Variants in ATP13A5 observed in about 807,000 individuals in gnomAD.
ATP13A5 encodes ATPase 13A5.
Under a neutral mutation model 150.2 loss-of-function variants are expected in ATP13A5, and 149 were observed. That is an observed-to-expected ratio of 0.99 (90% CI 0.87 to 1.14). The LOEUF (loss-of-function observed/expected upper bound fraction) is 1.14, where lower values mean the gene tolerates loss of function less well. Among genes scored for constraint, ATP13A5 ranks in the 50% most tolerant of loss-of-function variants. ATP13A5 has a pLI of 0.00. For synonymous variants in ATP13A5, 497 were observed against 522.2 expected (o/e 0.95, Z 0.66); for missense variants, 1,383 against 1,449.3 (o/e 0.95, Z 0.74).
At position 193,319,063 on chromosome 3, in the gene ATP13A5, C is replaced by G; in HGVS notation, c.1961G>C (p.Gly654Ala). 6.2e-7 allele frequency: 1 copy of G among 1,613,946 alleles called. No individual in the cohort carries two copies. Among genetic ancestry groups the G allele is most frequent in the Admixed American group, 1.7e-5 (1 of 60,018 alleles). ...GTGGGCAAGAGCAATGACACGGAAG[C>G]CTTGCACCGTGTAACTCCTCAGTTC... is the stretch of plus-strand genomic sequence containing the variant. ...PQELRSYTVQ[G>A]FRVIALAHKT... The change falls in exon 17 of 30, where the codon GGC (glycine) becomes GCC (alanine). Residue 654 changes from glycine to alanine, a missense_variant. Gly to Ala is a moderately conservative substitution (Grantham distance 60, BLOSUM62 0). This residue lies in a region of ATP13A5 where 28 missense variants were observed against 55.9 expected (regional missense o/e 0.50). Transcript: ENST00000342358.
chr3:193,304,249 C>G (rs116336350), intron 23 of ATP13A5, among the ~76,000 whole-genome samples: 2 of 152,144 alleles, frequency 1.3e-5, no homozygotes, highest in African/African-American at 4.8e-5. Flanking sequence ...GTAGACTGTT[C>G]TTAGAAGCAA....
chr3:193,363,010 C>T (rs758404560), intron 3 of ATP13A5, among the ~76,000 whole-genome samples: 1 of 152,038 alleles, frequency 6.6e-6, no homozygotes, highest in Non-Finnish European at 1.5e-5. Flanking sequence ...CCATGTTTCC[C>T]AGGCTGGTCT....
intron 27 of ATP13A5, among the ~76,000 whole-genome samples, chr3:193,279,958 T>C (rs9291051): frequency 0.89 from 118,921 of 133,336 alleles, 53,184 homozygotes; most frequent in East Asian, 0.98. Context: ...CAACACTCTC[T>C]AGCTTCTGTG....
In ATP13A5 at chr3:193,362,387, T is replaced by A; in HGVS notation, c.530A>T (p.Glu177Val). The change falls in exon 5 of 30, where the codon GAG becomes GTG. Residue 177 changes from glutamate (E) to valine (V), a missense_variant. Glu to Val is a moderately radical substitution (Grantham distance 121). Coordinates refer to ENST00000342358, the MANE Select transcript of ATP13A5 (RefSeq NM_198505.4). The part of the protein sequence containing the change: ...FGLGLTSEEQ[E>V]VRRLVCGPNA... The stretch of plus-strand genomic sequence containing the variant: ...GGCATATAATAAGTCCTACCTGACC[T>A]CTTGCTCTTCACTGGTCAGACCCAA... 2.5e-6 allele frequency: 4 copies of A among 1,614,000 alleles called. No homozygotes were observed. In the South Asian group the frequency reaches 4.4e-5, roughly 18 times the overall value.
At chr3:193,275,361 C>T (rs775769614) in intron 29 of ATP13A5, 59 bp from the exon 30 acceptor site, 31 of 1,577,190 alleles carry the variant, frequency 2.0e-5, no homozygotes, top group Middle Eastern at 1.7e-4. Flanking sequence ...GCAGCCAGGC[C>T]GCTGGCCACC....
chr3:193,307,113 T>C (rs1198158917), intron 22 of ATP13A5: 4 of 1,367,968 alleles, frequency 2.9e-6, no homozygotes, highest in Non-Finnish European at 3.8e-6. Flanking sequence ...TTTGTGTTTA[T>C]TATTCTAGGA....
At chr3:193,316,590 T>C (rs1220051132) in intron 17 of ATP13A5, among the ~76,000 whole-genome samples, 2 of 152,202 alleles carry the variant, frequency 1.3e-5, no homozygotes, top group Non-Finnish European at 2.9e-5. Context: ...TGAGCACTTT[T>C]TCATATATCT....
At chr3:193,285,384 T>A (rs1717678710) in intron 26 of ATP13A5, among the ~76,000 whole-genome samples, 1 of 152,118 alleles carries the variant, frequency 6.6e-6, no homozygotes, top group African/African-American at 2.4e-5. Context: ...TCCTATCAAT[T>A]CAAAGAGTAA....
rs762577082 is a variant in ATP13A5 at position 193,354,126 on chromosome 3, C to T, written c.606+1G>A. 1.8e-5 allele frequency: 29 copies of T among 1,603,274 alleles called. No homozygotes were observed. Among genetic ancestry groups the T allele is most frequent in the Non-Finnish European group, 2.4e-5 (28 of 1,176,822 alleles). ...AAAAAAAAAGAAAAGAAAACAGTTACCTGTTTAACAAGCAGCTTCCATATG... is the reference window on the plus strand; with the variant it reads ...AAAAAAAAAGAAAAGAAAACAGTTATCTGTTTAACAAGCAGCTTCCATATG... On this transcript the variant is annotated splice_donor_variant, in intron 6 of 29. Coordinates refer to ENST00000342358, the MANE Select transcript of ATP13A5 (RefSeq NM_198505.4). LOFTEE classifies it high-confidence loss of function.
rs553777354 is a variant in ATP13A5, at chr3:193,362,465, G to A, written c.456-4C>T. 123 of 1,614,012 alleles carry A rather than the reference G, an allele frequency of 7.6e-5. No individual in the cohort carries two copies. The South Asian group carries it at 1.2e-3, about 16-fold the overall frequency. ...GGAATTGCTGTCTTCTAGCAACCTA[G>A]GATGTATTCAGGATAGGAACCACAC... On this transcript the variant is annotated splice_polypyrimidine_tract_variant and splice_region_variant and intron_variant, in intron 4 of 29. Coordinates refer to ENST00000342358, the MANE Select transcript of ATP13A5 (RefSeq NM_198505.4).
chr3:193,353,111 G>A (rs377210371), intron 6 of ATP13A5, among the ~76,000 whole-genome samples: 4 of 152,178 alleles, frequency 2.6e-5, no homozygotes, highest in African/African-American at 9.6e-5. Context: ...GAATGGGAGA[G>A]GAGTGTCCAT....
At chr3:193,356,807 A>G (rs774287689) in intron 5 of ATP13A5, among the ~76,000 whole-genome samples, 1 of 148,076 alleles carries the variant, frequency 6.8e-6, no homozygotes, top group African/African-American at 2.5e-5. Flanking sequence ...AGGCAGAAAC[A>G]GATTTTTTTT....
chr3:193,321,493 T>A lies in ATP13A5; in HGVS notation c.1915+188A>T, dbSNP rs1013722670. Among the ~76,000 whole-genome samples, 3 of 152,056 alleles carry A rather than the reference T, an allele frequency of 2.0e-5. No individual in the cohort carries two copies. In the East Asian group the frequency reaches 5.8e-4, roughly 29 times the overall value. The stretch of plus-strand genomic sequence containing the variant: ...TAAAAATACTAAAATTAGCCGGGTG[T>A]GGTGGCATGCTCCTGTAATCCCAGC... On this transcript the variant is annotated intron_variant, in intron 16 of 29. Transcript: ENST00000342358.
chr3:193,287,364 G>C lies in ATP13A5; in HGVS notation c.3024-2248C>G, dbSNP rs190579494. On this transcript the variant is annotated intron_variant, in intron 26 of 29. Coordinates refer to ENST00000342358, the MANE Select transcript of ATP13A5 (RefSeq NM_198505.4). Reference sequence around the variant, plus strand: ...AGATAAGTCAATAACTGGATTCAAGGCTCCAAAGGAGAGGCTGTCTCTCTT... The same window carrying C: ...AGATAAGTCAATAACTGGATTCAAGCCTCCAAAGGAGAGGCTGTCTCTCTT... Among the ~76,000 whole-genome samples the C allele has an allele frequency of 3.1e-3, 467 of 152,234 alleles. 3 individuals carry two copies. Among genetic ancestry groups the C allele is most frequent in the African/African-American group, 0.011 (448 of 41,562 alleles).
intron 21 of ATP13A5, among the ~76,000 whole-genome samples, chr3:193,308,253 T>G (rs1718695014): frequency 6.6e-6 from 1 of 151,852 alleles, no homozygotes; most frequent in Non-Finnish European, 1.5e-5. Flanking sequence ...AGGTCAGGAG[T>G]TCGAGACCAG....
At chr3:193,317,697 A>G (rs927583379) in intron 17 of ATP13A5, among the ~76,000 whole-genome samples, 2 of 152,214 alleles carry the variant, frequency 1.3e-5, no homozygotes, top group African/African-American at 4.8e-5. Context: ...TGAAAATAGT[A>G]ACTAAATTCT....
At chr3:193,357,209 T>A (rs1469413635) in intron 5 of ATP13A5, among the ~76,000 whole-genome samples, 1 of 152,160 alleles carries the variant, frequency 6.6e-6, no homozygotes, top group African/African-American at 2.4e-5. Context: ...AATGAATTAA[T>A]GAGGTTCAAG....
At chr3:193,315,715 C>A (rs2108856482) in intron 17 of ATP13A5, among the ~76,000 whole-genome samples, 1 of 152,192 alleles carries the variant, frequency 6.6e-6, no homozygotes, top group African/African-American at 2.4e-5. Flanking sequence ...GCCAAGAACT[C>A]TTTTTTGATC....
intron 11 of ATP13A5, among the ~76,000 whole-genome samples, chr3:193,333,233 C>T (rs1182489234): frequency 6.6e-6 from 1 of 151,858 alleles, no homozygotes; most frequent in African/African-American, 2.4e-5. Flanking sequence ...GTAATTAAGC[C>T]ACTCACAGTT....
Sources: allele counts gnomAD v4.1 joint callset (sites outside exome capture counted in the v4.1 genomes callset), GRCh38; gene constraint gnomAD v4.1.1; regional missense constraint gnomAD v4.1.1; transcripts MANE v1.5; gene names NCBI Gene and HGNC (gene_info 2026-07-23, HGNC 2026-07-21).